NUP133: variants seen among roughly 807,000 people sequenced by gnomAD.
The protein encoded by NUP133 is nucleoporin 133.
A neutral mutation model predicts 146.2 loss-of-function variants in NUP133; 66 were observed. The ratio of observed to expected loss-of-function variants is 0.45; its 90% CI spans 0.37 to 0.55. The LOEUF is 0.55. NUP133 is among the 20% of genes least tolerant of loss of function. NUP133 has a pLI of 0.00. For missense variants in NUP133, 1,277 were observed against 1,374.8 expected (o/e 0.93, Z 1.12); for synonymous variants, 521 against 498.8 (o/e 1.04, Z -0.59).
intron 11 of NUP133, among the ~76,000 whole-genome samples, chr1:229,484,706 G>T (rs1346247951): frequency 6.6e-6 from 1 of 152,018 alleles, no homozygotes; most frequent in African/African-American, 2.4e-5. Context: ...TTAAACAACG[G>T]TTTAGAAAAA....
intron 18 of NUP133, 74 bp from the exon 19 acceptor site, chr1:229,463,750 A>C: frequency 1.4e-6 from 2 of 1,432,488 alleles, no homozygotes; most frequent in Non-Finnish European, 9.3e-7. Context: ...ATGTTACTTG[A>C]AATTTTATCT....
At chr1:229,495,157 G>A (rs1661625426) in intron 8 of NUP133, among the ~76,000 whole-genome samples, 1 of 152,192 alleles carries the variant, frequency 6.6e-6, no homozygotes, top group African/African-American at 2.4e-5. Flanking sequence ...GGGATGCTGA[G>A]GCAGGAGGGT....
At chr1:229,477,869 T>C in intron 12 of NUP133, 109 bp from the exon 13 acceptor site, 1 of 777,944 alleles carries the variant, frequency 1.3e-6, no homozygotes, top group Non-Finnish European at 2.0e-6. Context: ...AAGAATGCGA[T>C]CCTGTCATTC....
rs189565046 is a variant in NUP133 at position 229,469,732 on chromosome 1, T to C, written c.2076+848A>G. 1.7e-4 allele frequency among the ~76,000 whole-genome samples: 26 copies of C among 152,358 alleles called. No homozygotes were observed. The East Asian group carries it at 5.0e-3, about 29-fold the overall frequency. On this transcript the variant is annotated intron_variant, in intron 15 of 25. Coordinates refer to ENST00000261396, the MANE Select transcript of NUP133 (RefSeq NM_018230.3). ...ATAACTACTCCAACTTCTGGCCTTA[T>C]GGCAGGGCCTCACATTCATCTGACC...
intron 15 of NUP133, among the ~76,000 whole-genome samples, chr1:229,470,195 C>T (rs1021788027): frequency 1.7e-4 from 26 of 149,180 alleles, no homozygotes; most frequent in East Asian, 6.0e-4. Flanking sequence ...GAAAATTAGC[C>T]GGGGTGGTGG....
chr1:229,460,670 A>G lies in NUP133; in HGVS notation c.2785T>C (p.Leu929=), dbSNP rs540171951. 19 of 1,614,162 alleles carry G rather than the reference A, an allele frequency of 1.2e-5. No individual in the cohort carries two copies. Among genetic ancestry groups the G allele is most frequent in the South Asian group, 7.7e-5 (7 of 91,072 alleles). ...ISQHGQLANF[L]QAHEHLSWLH... ...CAGCTGAGATGTTCATGAGCTTGCA[A>G]AAAATTTGCCAACTGTCCATGCTGA... The change falls in exon 20 of 26, where the codon TTG becomes CTG. Residue 929 remains leucine, a synonymous_variant. Transcript: ENST00000261396.
chr1:229,506,814 G>A (rs1661952334), intron 1 of NUP133, among the ~76,000 whole-genome samples: 1 of 97,286 alleles, frequency 1.0e-5, no homozygotes, highest in Non-Finnish European at 2.2e-5. Context: ...GTGAGACCCT[G>A]TCTCTTTAAA....
At chr1:229,464,442 C>G (rs988189673) in intron 18 of NUP133, among the ~76,000 whole-genome samples, 182 bp downstream of exon 18, 27 of 152,148 alleles carry the variant, frequency 1.8e-4, no homozygotes, top group Non-Finnish European at 4.4e-5. Context: ...ATCTATGGTA[C>G]TTATACCTAG....
chr1:229,489,985 T>C lies in NUP133; in HGVS notation c.1164A>G (p.Val388=), dbSNP rs1444727100. The part of the protein sequence containing the change: ...NGCQMSDAVT[V]EVTQYNPPFQ... ...AAGGTGGATTATATTGAGTGACTTC[T>C]ACAGTAACTGCATCTGACATTTGGC... Residue 388 remains valine (V), a synonymous_variant, in exon 9 of 26, where the codon GTA becomes GTG. Coordinates refer to ENST00000261396, the MANE Select transcript of NUP133 (RefSeq NM_018230.3). 6 of 1,609,202 alleles carry C rather than the reference T, an allele frequency of 3.7e-6. No homozygotes were observed. The highest frequency in any genetic ancestry group is 5.1e-6 in the Non-Finnish European group (6 of 1,177,462).
chr1:229,470,890 T>C (rs1660940863), intron 14 of NUP133, 86 bp from the exon 15 acceptor site: 1 of 1,226,458 alleles, frequency 8.2e-7, no homozygotes, highest in Admixed American at 2.0e-5. Context: ...AGAAGCACCC[T>C]GGGCAGTCAC....
chr1:229,450,212 G>C (rs907383166), intron 23 of NUP133, among the ~76,000 whole-genome samples: 3 of 151,888 alleles, frequency 2.0e-5, no homozygotes, highest in Non-Finnish European at 4.4e-5. Flanking sequence ...AACTGATAAA[G>C]TCGTATATTA....
intron 14 of NUP133, 92 bp downstream of exon 14, chr1:229,475,546 T>C (rs1035703224): frequency 2.5e-5 from 23 of 907,496 alleles, no homozygotes; most frequent in Admixed American, 4.3e-5. Context: ...CCCCACCCAA[T>C]GAAACACCTC....
intron 2 of NUP133, among the ~76,000 whole-genome samples, chr1:229,503,747 G>A (rs1234683403): frequency 1.3e-5 from 2 of 152,144 alleles, no homozygotes; most frequent in Non-Finnish European, 2.9e-5. Context: ...ATCCTCGACC[G>A]GTGTGCCTTT....
chr1:229,473,165 T>C (rs530654782), intron 14 of NUP133, among the ~76,000 whole-genome samples: 4 of 152,028 alleles, frequency 2.6e-5, no homozygotes, highest in African/African-American at 7.2e-5. Context: ...GGTGAGAAGA[T>C]TGCTTGAGCC....
At chr1:229,465,021 G>A (rs1660779865) in intron 17 of NUP133, 146 bp from the exon 18 acceptor site, 1 of 912,254 alleles carries the variant, frequency 1.1e-6, no homozygotes, top group Admixed American at 2.6e-5. Context: ...TCAATGCCCT[G>A]CTTGAATCCC....
At chr1:229,481,478 G>A (rs1661210166) in intron 12 of NUP133, among the ~76,000 whole-genome samples, 1 of 152,162 alleles carries the variant, frequency 6.6e-6, no homozygotes, top group South Asian at 2.1e-4. Context: ...GGAGGCTGTG[G>A]TGGGTGGATC....
At position 229,506,063 on chromosome 1, in the gene NUP133, A is replaced by G; in HGVS notation, c.278T>C (p.Met93Thr). The G allele has an allele frequency of 6.2e-7, 1 of 1,608,298 alleles. No homozygotes were observed. Among genetic ancestry groups the G allele is most frequent in the Non-Finnish European group, 8.5e-7 (1 of 1,174,822 alleles). ...TFGSSLPVKV[M>T]EALTLAEVDD... The stretch of plus-strand genomic sequence containing the variant: ...ACCTTCAGCCAATGTTAGGGCTTCC[A>G]TGACTTTAACAGGAAGAGAAGATCC... The change falls in exon 2 of 26, where the codon ATG (methionine) becomes ACG (threonine). Residue 93 changes from methionine to threonine, a missense_variant. By Grantham distance (81) the Met-to-Thr change is moderately conservative (BLOSUM62 -1). Around this residue, in one of 3 missense-constraint regions of NUP133, gnomAD observed 319 missense variants for 306.9 expected, o/e 1.04. Transcript: ENST00000261396.
At chr1:229,490,175 A>G in intron 8 of NUP133, 73 bp from the exon 9 acceptor site, 3 of 1,293,438 alleles carry the variant, frequency 2.3e-6, no homozygotes, top group Non-Finnish European at 3.1e-6. Context: ...AATTAAACAT[A>G]TGCTTCCATA....
At position 229,466,738 on chromosome 1, in the gene NUP133, T is replaced by G; in HGVS notation, c.2095A>C (p.Ile699Leu). 2 of 1,614,042 alleles carry G rather than the reference T, an allele frequency of 1.2e-6. No individual in the cohort carries two copies. The highest frequency in any genetic ancestry group is 1.7e-6 in the Non-Finnish European group (2 of 1,179,956). The change falls in exon 16 of 26, where the codon ATC becomes CTC. Residue 699 changes from isoleucine (I) to leucine (L), a missense_variant. Coordinates refer to ENST00000261396, the MANE Select transcript of NUP133 (RefSeq NM_018230.3). ...FFREVSQVDT[I>L]CECLLEHEEQ... is the part of the protein sequence containing the mutation. ...TCATGCTCCAGTAAGCACTCACAGA[T>G]GGTATCTACTTGGGATACCTGAGAG...
Sources: gnomAD v4.1 joint callset for allele counts (sites outside exome capture counted in the v4.1 genomes callset) on GRCh38, gnomAD v4.1.1 for gene constraint, gnomAD v4.1.1 regional missense constraint, MANE v1.5 for transcripts, NCBI Gene and HGNC (gene_info 2026-07-23, HGNC 2026-07-21) for gene names.